Variants in PKHD1 observed in about 807,000 individuals in gnomAD.
PKHD1 encodes the protein PKHD1 ciliary IPT domain containing fibrocystin/polyductin, also known as fibrocystin.
A neutral mutation model predicts 412.0 loss-of-function variants in PKHD1; 291 were observed. The observed-to-expected ratio is 0.71, with a 90% CI of 0.64 to 0.78. The LOEUF (loss-of-function observed/expected upper bound fraction) is 0.78, where lower values mean the gene tolerates loss of function less well. PKHD1 is among the 30% of genes least tolerant of loss of function. The pLI is 0.00. For missense variants in PKHD1, 4,825 were observed against 4,950.7 expected, an observed-to-expected ratio of 0.97 and a Z score of 0.76; for synonymous variants, 1,777 against 1,821.5, an observed-to-expected ratio of 0.98 and a Z score of 0.62.
At chr6:51,658,016 G>A (rs1281659233) in intron 61 of PKHD1, among the ~76,000 whole-genome samples, 1 of 151,926 alleles carries the variant, frequency 6.6e-6, no homozygotes, top group Non-Finnish European at 1.5e-5. Context: ...AAATAAAATT[G>A]GGCAAAAGGA....
rs761431391 is a variant in PKHD1, at chr6:52,053,065, T to C, written c.2140+11A>G. 21 of 1,613,306 alleles carry C rather than the reference T, an allele frequency of 1.3e-5. No individual in the cohort carries two copies. Among genetic ancestry groups the C allele is most frequent in the South Asian group, 4.4e-5 (4 of 90,982 alleles). On this transcript the variant is annotated intron_variant, in intron 21 of 66. Coordinates refer to ENST00000371117, the MANE Select transcript of PKHD1 (RefSeq NM_138694.4). ...GACCGGCTTGTGGAGGAGAGAGAAT[T>C]TGATGATTACCTGTTACGTTTGTGT...
intron 63 of PKHD1, among the ~76,000 whole-genome samples, chr6:51,639,881 C>T (rs2661507): frequency 0.043 from 6,542 of 152,246 alleles, 237 homozygotes; most frequent in African/African-American, 0.093. Context: ...CTTAGTGTTA[C>T]ATTTTTCAAT....
chr6:51,616,178 A>G lies in PKHD1; in HGVS notation c.*2903T>C, dbSNP rs372284729. The G allele has an allele frequency of 6.6e-6, 1 of 152,628 alleles. No individual in the cohort carries two copies. The highest frequency in any genetic ancestry group is 1.9e-4 in the East Asian group (1 of 5,200). The allele number at this position is 152,628 out of a possible 1,614,324, so 9.5% of individuals were successfully genotyped here. ...TAACATATGTATCACCTCACACACTAGCATTTTTTGTGGTGAGAACACTTA... is the reference window on the plus strand; with the variant it reads ...TAACATATGTATCACCTCACACACTGGCATTTTTTGTGGTGAGAACACTTA... On this transcript the variant is annotated 3_prime_UTR_variant, in exon 67 of 67. Coordinates refer to ENST00000371117, the MANE Select transcript of PKHD1 (RefSeq NM_138694.4).
At chr6:52,016,635 CAAAA>C (rs10579713) in intron 34 of PKHD1, among the ~76,000 whole-genome samples, 59 of 118,874 alleles carry the variant, frequency 5.0e-4, no homozygotes, top group South Asian at 1.1e-3. Flanking sequence ...GACTCTGTCT[CAAAA>C]AAAAAAAAAA....
At chr6:52,063,471 T>G (rs1808991998) in intron 13 of PKHD1, among the ~76,000 whole-genome samples, 1 of 152,192 alleles carries the variant, frequency 6.6e-6, no homozygotes, top group Admixed American at 6.5e-5. Flanking sequence ...ATAAAGGTAA[T>G]TATGGTAATT....
intron 35 of PKHD1, among the ~76,000 whole-genome samples, chr6:51,980,831 C>G (rs947211339): frequency 1.1e-4 from 16 of 152,116 alleles, no homozygotes; most frequent in African/African-American, 3.6e-4. Flanking sequence ...CCTATTATAA[C>G]CCTTTATCTG....
chr6:51,771,699 T>C (rs75225153), intron 55 of PKHD1, among the ~76,000 whole-genome samples: 24,121 of 152,144 alleles, frequency 0.16, 2,239 homozygotes, highest in African/African-American at 0.26. Flanking sequence ...TTCTTAGTTA[T>C]TTATATTATT....
At chr6:51,810,085 A>C (rs1167659673) in intron 52 of PKHD1, among the ~76,000 whole-genome samples, 1 of 152,104 alleles carries the variant, frequency 6.6e-6, no homozygotes, top group Non-Finnish European at 1.5e-5. Context: ...TCTTGTAAAC[A>C]CCTTATATCC....
At chr6:52,075,949 G>A (rs1467653195) in intron 6 of PKHD1, among the ~76,000 whole-genome samples, 1 of 152,120 alleles carries the variant, frequency 6.6e-6, no homozygotes, top group Admixed American at 6.6e-5. Context: ...TTTAATAAAG[G>A]TTTATTATTA....
chr6:51,923,864 G>A (rs1561892029), intron 37 of PKHD1, among the ~76,000 whole-genome samples: 1 of 152,266 alleles, frequency 6.6e-6, no homozygotes, highest in East Asian at 1.9e-4. Flanking sequence ...TACCAGCTAT[G>A]TGTACACAAA....
intron 16 of PKHD1, 54 bp from the exon 17 acceptor site, chr6:52,057,033 G>A (rs779781411): frequency 1.4e-5 from 16 of 1,143,242 alleles, no homozygotes; most frequent in Non-Finnish European, 2.0e-5. Flanking sequence ...AAGCCAGAGA[G>A]ACAATCTAAG....
At chr6:51,933,411 A>T (rs1241386888) in intron 37 of PKHD1, among the ~76,000 whole-genome samples, 1 of 152,218 alleles carries the variant, frequency 6.6e-6, no homozygotes, top group East Asian at 1.9e-4. Context: ...TTGGGGAGAC[A>T]GGAAGAGGTT....
chr6:51,730,725 C>T, intron 60 of PKHD1, among the ~76,000 whole-genome samples: 1 of 152,274 alleles, frequency 6.6e-6, no homozygotes, highest in African/African-American at 2.4e-5. Context: ...TATTTATGAG[C>T]TGGTTTGGTA....
intron 60 of PKHD1, among the ~76,000 whole-genome samples, chr6:51,692,798 A>T (rs1217972863): frequency 6.6e-6 from 1 of 152,028 alleles, no homozygotes; most frequent in Non-Finnish European, 1.5e-5. Context: ...AATTTTTCTC[A>T]TGTTTTTGAT....
At chr6:51,621,382 C>T (rs528599794) in intron 66 of PKHD1, among the ~76,000 whole-genome samples, 2 of 152,220 alleles carry the variant, frequency 1.3e-5, no homozygotes, top group East Asian at 1.9e-4. Flanking sequence ...TAGAAGCAAA[C>T]TTTAAAAAGA....
chr6:51,710,698 T>A (rs1171542917), intron 60 of PKHD1, among the ~76,000 whole-genome samples: 1 of 152,184 alleles, frequency 6.6e-6, no homozygotes, highest in Non-Finnish European at 1.5e-5. Context: ...ATACTCAATA[T>A]AAAATTTGAA....
intron 4 of PKHD1, among the ~76,000 whole-genome samples, chr6:52,080,735 A>AT (rs1209357642): frequency 1.3e-5 from 2 of 152,216 alleles, no homozygotes; most frequent in African/African-American, 4.8e-5. Context: ...ATATGCCATG[A>AT]TTATAACATG....
Position 51,950,220 on chromosome 6 carries a change from A to AAAAAATATAT in PKHD1, c.5908+9649_5908+9650insATATATTTTT. ...AATGGGCAATATAGAGAAAAAAAAA[A>AAAAAATATAT]ATATATATATATATATATATGAAAT... On this transcript the variant is annotated intron_variant, in intron 36 of 66. Transcript: ENST00000371117. 5.8e-3 allele frequency among the ~76,000 whole-genome samples: 567 copies of AAAAAATATAT among 98,270 alleles called. 2 individuals carry two copies. Among genetic ancestry groups the AAAAAATATAT allele is most frequent in the Non-Finnish European group, 8.7e-3 (446 of 51,184 alleles). The allele number at this position is 98,270 out of a possible 152,430, so 64.5% of individuals were successfully genotyped here.
intron 35 of PKHD1, among the ~76,000 whole-genome samples, chr6:52,009,392 G>A (rs1799517492): frequency 6.6e-6 from 1 of 152,228 alleles, no homozygotes; most frequent in Admixed American, 6.5e-5. Flanking sequence ...TTGAAGCCAG[G>A]AAGCTGACTT....
Sources: gnomAD v4.1 joint callset for allele counts (sites outside exome capture counted in the v4.1 genomes callset) on GRCh38, gnomAD v4.1.1 for gene constraint, MANE v1.5 for transcripts, NCBI Gene and HGNC (gene_info 2026-07-23, HGNC 2026-07-21) for gene names.